Variants in NEGR1 observed in about 807,000 individuals in gnomAD.
NEGR1 encodes neuronal growth regulator 1.
A neutral mutation model predicts 40.9 loss-of-function variants in NEGR1; 10 were observed. The ratio of observed to expected loss-of-function variants is 0.24; its 90% confidence interval spans 0.15 to 0.42. The LOEUF is 0.42. Ranked by LOEUF, NEGR1 falls within the 10% of genes least tolerant of loss-of-function variation. NEGR1 has a pLI of 1.00. For missense variants in NEGR1, 352 were observed against 438.9 expected (o/e 0.80, Z 1.77); for synonymous variants, 185 against 166.8 (o/e 1.11, Z -0.84).
intron 1 of NEGR1, among the ~76,000 whole-genome samples, chr1:72,127,684 A>C (rs1008502141): frequency 2.0e-5 from 3 of 152,074 alleles, no homozygotes; most frequent in African/African-American, 7.2e-5. Context: ...ATCAACAAGT[A>C]GTAGTTGACT....
chr1:72,238,312 G>A (rs1003539414), intron 1 of NEGR1, among the ~76,000 whole-genome samples: 1 of 151,776 alleles, frequency 6.6e-6, no homozygotes. Context: ...AATAAAATAT[G>A]ATTGAATAAT....
chr1:72,098,369 T>C (rs1257921554), intron 1 of NEGR1, among the ~76,000 whole-genome samples: 2 of 152,190 alleles, frequency 1.3e-5, no homozygotes, highest in African/African-American at 4.8e-5. Flanking sequence ...CCCACCATTA[T>C]GTTAAATAAT....
At chr1:71,923,506 G>A (rs1280161498) in intron 2 of NEGR1, among the ~76,000 whole-genome samples, 1 of 152,078 alleles carries the variant, frequency 6.6e-6, no homozygotes, top group Non-Finnish European at 1.5e-5. Flanking sequence ...ATGTGCACGG[G>A]GAGTGTATTA....
intron 3 of NEGR1, among the ~76,000 whole-genome samples, chr1:71,709,780 G>C (rs961728192): frequency 6.6e-6 from 1 of 152,156 alleles, no homozygotes; most frequent in Non-Finnish European, 1.5e-5. Flanking sequence ...GAATACATTG[G>C]GGAATATCTC....
At chr1:71,471,425 C>G (rs1646781366) in intron 6 of NEGR1, among the ~76,000 whole-genome samples, 1 of 152,072 alleles carries the variant, frequency 6.6e-6, no homozygotes, top group African/African-American at 2.4e-5. Context: ...GCGGCCAGAT[C>G]ACCTGAGGTT....
rs74861878 is a variant in NEGR1, at chr1:71,846,791, G to A, written c.410-70494C>T. 3.0e-4 allele frequency among the ~76,000 whole-genome samples: 45 copies of A among 152,186 alleles called. No individual in the cohort carries two copies. The East Asian group carries it at 7.2e-3, about 24-fold the overall frequency. Reference sequence around the variant, plus strand: ...CCTTCTTGCTGCATCCTCACAGTGCGGAAGAGGCAAACAAGCTTCCTTGTG... The same window carrying A: ...CCTTCTTGCTGCATCCTCACAGTGCAGAAGAGGCAAACAAGCTTCCTTGTG... On this transcript the variant is annotated intron_variant, in intron 2 of 6. Coordinates refer to ENST00000357731, the MANE Select transcript of NEGR1 (RefSeq NM_173808.3).
At chr1:72,001,741 A>C (rs1208480529) in intron 1 of NEGR1, among the ~76,000 whole-genome samples, 2 of 151,460 alleles carry the variant, frequency 1.3e-5, no homozygotes, top group Non-Finnish European at 2.9e-5. Flanking sequence ...CCTAGTGATA[A>C]GTTAGAACTT....
chr1:71,448,587 A>C (rs1646600607), intron 6 of NEGR1, among the ~76,000 whole-genome samples: 3 of 151,798 alleles, frequency 2.0e-5, no homozygotes, highest in Admixed American at 6.6e-5. Flanking sequence ...CGAGAGAGGG[A>C]GACTCCATCT....
chr1:71,424,937 T>C (rs925216375), intron 6 of NEGR1, among the ~76,000 whole-genome samples: 1 of 152,226 alleles, frequency 6.6e-6, no homozygotes, highest in African/African-American at 2.4e-5. Context: ...TAAGTCATAT[T>C]GCACTTCAGA....
chr1:71,409,321 G>A (rs1461824526), intron 6 of NEGR1, among the ~76,000 whole-genome samples: 3 of 151,880 alleles, frequency 2.0e-5, no homozygotes, highest in Non-Finnish European at 4.4e-5. Context: ...AATGTCAAGT[G>A]TAATAAAACT....
chr1:72,164,016 A>T lies in NEGR1; in HGVS notation c.176+118303T>A, dbSNP rs531701772. Reference sequence around the variant, plus strand: ...AGCTTGCATACATCTTCAGACAAGTATTTTTTTTTTTTAAAGTAAAGTAAA... The same window carrying T: ...AGCTTGCATACATCTTCAGACAAGTTTTTTTTTTTTTTAAAGTAAAGTAAA... On this transcript the variant is annotated intron_variant, in intron 1 of 6. Transcript: ENST00000357731. Among the ~76,000 whole-genome samples, 1,226 of 148,398 alleles carry T rather than the reference A, an allele frequency of 8.3e-3. 13 individuals carry two copies. Among genetic ancestry groups the T allele is most frequent in the Non-Finnish European group, 0.014 (903 of 66,816 alleles).
intron 6 of NEGR1, among the ~76,000 whole-genome samples, chr1:71,553,260 T>A (rs1006226712): frequency 2.0e-5 from 3 of 151,710 alleles, no homozygotes; most frequent in Admixed American, 6.6e-5. Flanking sequence ...TCTCTAAGTT[T>A]TTCTGTCTTT....
At chr1:71,447,340 A>T (rs1043787971) in intron 6 of NEGR1, among the ~76,000 whole-genome samples, 10 of 152,228 alleles carry the variant, frequency 6.6e-5, no homozygotes, top group Non-Finnish European at 1.3e-4. Flanking sequence ...AGGTCAAAGA[A>T]CTGCTACCAG....
chr1:71,566,009 G>T (rs1237437270), intron 6 of NEGR1, among the ~76,000 whole-genome samples: 4 of 152,052 alleles, frequency 2.6e-5, no homozygotes, highest in Non-Finnish European at 4.4e-5. Flanking sequence ...ATGTTGCCAC[G>T]AGCCAAGGGA....
intron 1 of NEGR1, among the ~76,000 whole-genome samples, chr1:72,130,553 C>G (rs1650207166): frequency 6.6e-6 from 1 of 151,978 alleles, no homozygotes; most frequent in African/African-American, 2.4e-5. Flanking sequence ...GGAATCAAAA[C>G]TGGCCCATCT....
intron 1 of NEGR1, among the ~76,000 whole-genome samples, chr1:72,073,973 T>C (rs1379822615): frequency 6.6e-6 from 1 of 152,062 alleles, no homozygotes; most frequent in Non-Finnish European, 1.5e-5. Context: ...AGATTAAAAA[T>C]GGAAGCTTAA....
intron 2 of NEGR1, among the ~76,000 whole-genome samples, chr1:71,871,424 A>G (rs534820209): frequency 3.3e-5 from 5 of 152,212 alleles, no homozygotes; most frequent in African/African-American, 1.2e-4. Flanking sequence ...CTCTTATCAC[A>G]CCATTTTAAA....
intron 4 of NEGR1, among the ~76,000 whole-genome samples, chr1:71,644,350 A>C (rs1651462154): frequency 6.6e-6 from 1 of 151,942 alleles, no homozygotes; most frequent in Non-Finnish European, 1.5e-5. Flanking sequence ...TGAAAACACC[A>C]TTAAGAACAT....
intron 1 of NEGR1, among the ~76,000 whole-genome samples, chr1:72,050,916 C>T (rs1647054091): frequency 6.6e-6 from 1 of 151,428 alleles, no homozygotes; most frequent in East Asian, 1.9e-4. Flanking sequence ...TGCCAATTTG[C>T]CTGCCAAATA....
Sources: allele counts gnomAD v4.1 joint callset (sites outside exome capture counted in the v4.1 genomes callset), GRCh38; gene constraint gnomAD v4.1.1; transcripts MANE v1.5; gene names NCBI Gene and HGNC (gene_info 2026-07-23, HGNC 2026-07-21).